Variants in RYR3 observed in about 807,000 individuals in gnomAD.
RYR3 encodes ryanodine receptor 3.
RYR3 carries 207 observed loss-of-function variants against 584.3 expected under a neutral mutation model. The observed-to-expected ratio is 0.35, with a 90% CI of 0.32 to 0.40. The LOEUF (loss-of-function observed/expected upper bound fraction) is 0.40, where lower values mean the gene tolerates loss of function less well. RYR3 is among the 10% of genes least tolerant of loss of function. The probability of loss-of-function intolerance (pLI) is 1.00; values close to 1 mark genes in which losing one functional copy is unlikely to be tolerated. For missense variants in RYR3, 5,616 were observed against 6,089.2 expected (o/e 0.92, Z 2.59); for synonymous variants, 2,416 against 2,248.5 (o/e 1.07, Z -2.11).
intron 13 of RYR3, among the ~76,000 whole-genome samples, chr15:33,580,704 C>T (rs1208328526): frequency 6.6e-6 from 1 of 152,174 alleles, no homozygotes; most frequent in Non-Finnish European, 1.5e-5. Context: ...AAGCCTTTTC[C>T]AGACTCGGAG....
chr15:33,756,203 C>G (rs1596454181), intron 58 of RYR3, 103 bp from the exon 59 acceptor site: 1 of 774,606 alleles, frequency 1.3e-6, no homozygotes, highest in East Asian at 2.7e-5. Context: ...AATCAGATAG[C>G]CTTTTTAAAT....
chr15:33,523,627 T>G (rs1327142586), intron 3 of RYR3, among the ~76,000 whole-genome samples: 1 of 152,102 alleles, frequency 6.6e-6, no homozygotes, highest in African/African-American at 2.4e-5. Flanking sequence ...GGGAGTGATC[T>G]GCTAGCCTAT....
chr15:33,477,061 T>G (rs1435113), intron 2 of RYR3, among the ~76,000 whole-genome samples: 91,361 of 151,912 alleles, frequency 0.6, 28,217 homozygotes, highest in African/African-American at 0.75. Flanking sequence ...TAGATTCTTG[T>G]ATCCTAATGG....
intron 13 of RYR3, among the ~76,000 whole-genome samples, chr15:33,580,418 A>G (rs2058530844): frequency 6.6e-6 from 1 of 152,142 alleles, no homozygotes. Flanking sequence ...TTCAGCTGTG[A>G]GAGCATGACA....
At chr15:33,862,496 T>G (rs1243748817) in intron 102 of RYR3, among the ~76,000 whole-genome samples, 1 of 152,140 alleles carries the variant, frequency 6.6e-6, no homozygotes, top group Non-Finnish European at 1.5e-5. Flanking sequence ...TGTGAGCCAC[T>G]GGGCTGAGCC....
At chr15:33,634,516 A>G (rs755687587) in intron 24 of RYR3, 70 bp from the exon 25 acceptor site, 1 of 1,523,912 alleles carries the variant, frequency 6.6e-7, no homozygotes, top group East Asian at 2.3e-5. Context: ...TGCTGGGAAT[A>G]TGTGAATAGG....
intron 98 of RYR3, among the ~76,000 whole-genome samples, chr15:33,855,689 T>C (rs953962254): frequency 6.6e-6 from 1 of 152,284 alleles, no homozygotes; most frequent in Admixed American, 6.5e-5. Context: ...CACACACATA[T>C]GTATATGGTT....
chr15:33,805,483 T>C (rs866528293), intron 69 of RYR3, among the ~76,000 whole-genome samples: 66 of 137,102 alleles, frequency 4.8e-4, no homozygotes, highest in African/African-American at 1.4e-3. Context: ...TTTTTTTTTT[T>C]TTCTTCTTCT....
chr15:33,756,179 G>C (rs2071800013), intron 58 of RYR3, 127 bp from the exon 59 acceptor site: 2 of 716,770 alleles, frequency 2.8e-6, no homozygotes, highest in Non-Finnish European at 2.5e-6. Flanking sequence ...TACTTTGTAA[G>C]ATATATTTTG....
intron 101 of RYR3, 133 bp from the exon 102 acceptor site, chr15:33,860,945 G>C (rs1043383971): frequency 4.6e-6 from 3 of 657,774 alleles, no homozygotes; most frequent in African/African-American, 4.4e-5. Context: ...TGGCACTACT[G>C]AGTGAATGAC....
At chr15:33,500,541 G>A (rs914696260) in intron 2 of RYR3, among the ~76,000 whole-genome samples, 1 of 152,194 alleles carries the variant, frequency 6.6e-6, no homozygotes, top group African/African-American at 2.4e-5. Context: ...AAGGTTTCCT[G>A]TAGGACATTT....
chr15:33,853,187 T>C (rs2079284283), intron 95 of RYR3, 100 bp downstream of exon 95: 2 of 1,065,322 alleles, frequency 1.9e-6, no homozygotes, highest in South Asian at 1.7e-5. Context: ...GTGATGCTAC[T>C]TTTATGATAA....
chr15:33,707,397 A>T (rs908394677), intron 43 of RYR3, among the ~76,000 whole-genome samples: 8 of 152,316 alleles, frequency 5.3e-5, no homozygotes, highest in Non-Finnish European at 1.2e-4. Context: ...AGCTAAATGC[A>T]CATGTACATC....
Position 33,663,734 on chromosome 15 carries a change from G to A in RYR3, c.5616G>A (p.Glu1872=), listed in dbSNP as rs1270894722. 2 of 1,602,596 alleles carry A rather than the reference G, an allele frequency of 1.2e-6. No homozygotes were observed. Among genetic ancestry groups the A allele is most frequent in the Non-Finnish European group, 1.7e-6 (2 of 1,175,240 alleles). The change falls in exon 36 of 104, where the codon GAG becomes GAA. Residue 1872 remains glutamate (E), a synonymous_variant. Coordinates refer to ENST00000634891, the MANE Select transcript of RYR3 (RefSeq NM_001036.6). ...KTKEFRSPPQ[E]QINMLLNFQL... ...AGGAGTTCCGCTCACCCCCACAGGA[G>A]CAGGTGAGGGTCCTTCCTGAGCCTC...
intron 36 of RYR3, among the ~76,000 whole-genome samples, chr15:33,668,825 T>TG (rs2063643072): frequency 6.6e-6 from 1 of 151,948 alleles, no homozygotes; most frequent in Non-Finnish European, 1.5e-5. Flanking sequence ...ATCAGAGACA[T>TG]GAAAAAAAAT....
chr15:33,442,862 A>G (rs1475553519), intron 1 of RYR3, among the ~76,000 whole-genome samples: 2 of 152,258 alleles, frequency 1.3e-5, no homozygotes, highest in African/African-American at 4.8e-5. Context: ...GGGCTATAAC[A>G]AAAGCATATT....
At chr15:33,859,798 A>ATGACT in intron 100 of RYR3, 67 bp downstream of exon 100, 1 of 1,477,634 alleles carries the variant, frequency 6.8e-7, no homozygotes, top group South Asian at 1.3e-5. Flanking sequence ...TCTTCCATCT[A>ATGACT]TGACTTAATT....
chr15:33,538,561 C>T (rs1410724810), intron 5 of RYR3, among the ~76,000 whole-genome samples: 1 of 152,182 alleles, frequency 6.6e-6, no homozygotes, highest in African/African-American at 2.4e-5. Flanking sequence ...AACTTCTAAT[C>T]TTCTATAGCG....
chr15:33,616,382 A>AT (rs896957277), intron 19 of RYR3, among the ~76,000 whole-genome samples: 4 of 152,032 alleles, frequency 2.6e-5, no homozygotes, highest in African/African-American at 4.8e-5. Flanking sequence ...TAGTGGAGGG[A>AT]TTTTTTTGGA....
Sources: gnomAD v4.1 joint callset for allele counts (sites outside exome capture counted in the v4.1 genomes callset) on GRCh38, gnomAD v4.1.1 for gene constraint, MANE v1.5 for transcripts, NCBI Gene and HGNC (gene_info 2026-07-23, HGNC 2026-07-21) for gene names.